CUBN: variants seen among roughly 807,000 people sequenced by gnomAD.
The protein encoded by CUBN is cubilin, also known as 460 kDa receptor.
Under a neutral mutation model 405.3 loss-of-function variants are expected in CUBN, and 282 were observed. That is an observed-to-expected ratio of 0.70 (90% CI 0.63 to 0.77). The LOEUF (loss-of-function observed/expected upper bound fraction) is 0.77, where lower values mean the gene tolerates loss of function less well. Ranked by LOEUF, CUBN falls within the 30% of genes least tolerant of loss-of-function variation. The pLI, the probability that CUBN is intolerant of heterozygous loss-of-function variation, is 0.00. For missense variants in CUBN, 4,514 were observed against 4,475.2 expected (o/e 1.01, Z -0.25); for synonymous variants, 1,684 against 1,617.0 (o/e 1.04, Z -0.99).
intron 56 of CUBN, among the ~76,000 whole-genome samples, chr10:16,882,922 G>A (rs1840704275): frequency 6.6e-6 from 1 of 152,050 alleles, no homozygotes; most frequent in Non-Finnish European, 1.5e-5. Flanking sequence ...GCTGAGCCAT[G>A]AGAATTGCTT....
At chr10:16,968,407 ATTGCTT>A (rs1005866229) in intron 31 of CUBN, among the ~76,000 whole-genome samples, 23 of 151,956 alleles carry the variant, frequency 1.5e-4, no homozygotes, top group African/African-American at 4.8e-4. Flanking sequence ...TACTAATCAT[ATTGCTT>A]TTGCTTTTGC....
intron 1 of CUBN, 60 bp from the exon 2 acceptor site, chr10:17,129,310 AT>A: frequency 6.3e-7 from 1 of 1,577,206 alleles, no homozygotes; most frequent in Non-Finnish European, 8.7e-7. Flanking sequence ...TTAAACCAAA[AT>A]AACAAAGTTT....
chr10:17,065,095 C>G, intron 22 of CUBN, among the ~76,000 whole-genome samples: 1 of 149,706 alleles, frequency 6.7e-6, no homozygotes, highest in East Asian at 2.0e-4. Flanking sequence ...TATTTGTATT[C>G]TGCTCCCATT....
rs1192471502 is a variant in CUBN, at chr10:16,892,055, A to G, written c.8599-1528T>C. Among the ~76,000 whole-genome samples, 6 of 152,342 alleles carry G rather than the reference A, an allele frequency of 3.9e-5. No individual in the cohort carries two copies. The East Asian group carries it at 1.2e-3, about 29-fold the overall frequency. ...CTTCTCAAGGATATTCCTCACCCAC[A>G]GCAATAAAACATCAAGTCATTAAAA... On this transcript the variant is annotated intron_variant, in intron 54 of 66. Transcript: ENST00000377833.
intron 28 of CUBN, among the ~76,000 whole-genome samples, chr10:17,007,634 G>C (rs1010828447): frequency 6.6e-6 from 1 of 152,018 alleles, no homozygotes. Flanking sequence ...GGGGAGGGTG[G>C]GGCAGGGGGA....
chr10:16,849,204 T>A (rs754361678), intron 60 of CUBN, among the ~76,000 whole-genome samples: 1 of 152,170 alleles, frequency 6.6e-6, no homozygotes, highest in Non-Finnish European at 1.5e-5. Flanking sequence ...CCACCCATGC[T>A]TTGTAAAAGA....
Position 17,075,863 on chromosome 10 carries a change from T to TA in CUBN, c.2302-3893dup, listed in dbSNP as rs371889371. On this transcript the variant is annotated intron_variant, in intron 17 of 66. Transcript: ENST00000377833. ...TTTCTGTTTGCCCTTCAGCATCTAA[T>TA]AAAAAAAACTTTGCAAATAGGTATT... 9.9e-3 allele frequency among the ~76,000 whole-genome samples: 1,508 copies of TA among 152,186 alleles called. 21 individuals are homozygous for TA. Among genetic ancestry groups the TA allele is most frequent in the African/African-American group, 0.032 (1,315 of 41,538 alleles).
intron 15 of CUBN, among the ~76,000 whole-genome samples, chr10:17,086,421 A>G (rs1418807661): frequency 2.0e-5 from 3 of 152,344 alleles, no homozygotes; most frequent in Non-Finnish European, 2.9e-5. Context: ...AAGGAACACC[A>G]TTGATGCCAA....
At chr10:17,124,553 T>C (rs1007560433) in intron 4 of CUBN, among the ~76,000 whole-genome samples, 13 of 151,814 alleles carry the variant, frequency 8.6e-5, no homozygotes, top group Admixed American at 7.2e-4. Flanking sequence ...CTCAGCCTCC[T>C]AAGTAGCTGG....
At chr10:16,953,568 G>A (rs1842974050) in intron 32 of CUBN, among the ~76,000 whole-genome samples, 1 of 152,298 alleles carries the variant, frequency 6.6e-6, no homozygotes, top group Middle Eastern at 3.4e-3. Flanking sequence ...GGGTAAAAAG[G>A]TCTTGGAGAA....
chr10:17,125,384 A>G (rs1468403086), intron 4 of CUBN, among the ~76,000 whole-genome samples: 1 of 152,154 alleles, frequency 6.6e-6, no homozygotes, highest in Admixed American at 6.5e-5. Flanking sequence ...TGCAAAGCAC[A>G]TTCCTTCTCC....
chr10:16,940,850 A>C (rs572951135), intron 36 of CUBN, among the ~76,000 whole-genome samples: 121 of 152,334 alleles, frequency 7.9e-4, no homozygotes, highest in African/African-American at 2.8e-3. Context: ...TGATGGGATC[A>C]TTTAGGTGGC....
intron 30 of CUBN, among the ~76,000 whole-genome samples, chr10:16,983,288 G>T: frequency 6.6e-6 from 1 of 152,138 alleles, no homozygotes; most frequent in East Asian, 1.9e-4. Context: ...GTGTGTGTGT[G>T]TTTATTTAAA....
intron 17 of CUBN, 51 bp from the exon 18 acceptor site, chr10:17,072,022 C>G (rs182324774): frequency 2.0e-6 from 3 of 1,470,774 alleles, no homozygotes; most frequent in Non-Finnish European, 2.8e-6. Context: ...AAACTTACGT[C>G]GGCAATGGTG....
chr10:16,840,364 G>C lies in CUBN; in HGVS notation c.9998C>G (p.Thr3333Arg), dbSNP rs140637500. 6.2e-7 allele frequency: 1 copy of C among 1,614,098 alleles called. No homozygotes were observed. The highest frequency in any genetic ancestry group is 8.5e-7 in the Non-Finnish European group (1 of 1,179,990). ...WALQLTSQDC[T>R]QNYLQLQDSP... is the part of the protein sequence containing the mutation. ...GTCCTGAAGCTGTAAGTAATTCTGC[G>C]TGCAGTCTTGCGAGGTCAGCTGTAA... Residue 3333 changes from threonine to arginine, a missense_variant, in exon 62 of 67, where the codon ACG becomes AGG. Thr to Arg is a moderately conservative substitution (Grantham distance 71). Around this residue, in one of 5 missense-constraint regions of CUBN, gnomAD observed 1,186 missense variants for 1,186.9 expected, o/e 1.00. Transcript: ENST00000377833.
chr10:16,920,508 T>C (rs1245779393), intron 43 of CUBN, among the ~76,000 whole-genome samples: 1 of 152,156 alleles, frequency 6.6e-6, no homozygotes, highest in Non-Finnish European at 1.5e-5. Context: ...GAGCATTCAG[T>C]ACAGCAGAAT....
intron 65 of CUBN, among the ~76,000 whole-genome samples, chr10:16,830,912 C>T (rs774487105): frequency 5.3e-5 from 8 of 151,990 alleles, no homozygotes; most frequent in Admixed American, 1.3e-4. Context: ...TATGGGGAAA[C>T]GCTCTGTCTA....
chr10:17,104,516 G>C lies in CUBN; in HGVS notation c.1320C>G (p.Pro440=). The change falls in exon 12 of 67, where the codon CCC becomes CCG. Residue 440 remains proline (P), a synonymous_variant. Coordinates refer to ENST00000377833, the MANE Select transcript of CUBN (RefSeq NM_001081.4). ...TENINECLSN[P]CLNGGTCVDG... ...CAACACAAGTTCCTCCATTCAAACA[G>C]GGGTTGCTCAAACACTCATTGATGT... The C allele has an allele frequency of 2.5e-6, 4 of 1,613,864 alleles. No homozygotes were observed. Among genetic ancestry groups the C allele is most frequent in the East Asian group, 4.5e-5 (2 of 44,842 alleles).
chr10:16,824,740 A>G lies in CUBN; in HGVS notation c.*235T>C. On this transcript the variant is annotated 3_prime_UTR_variant, in exon 67 of 67. Coordinates refer to ENST00000377833, the MANE Select transcript of CUBN (RefSeq NM_001081.4). ...TCACCATGCTGGCCAGGCTAGTCTC[A>G]AACTCCTGACCTCAGGTGATCAACC... The G allele has an allele frequency of 2.2e-6, 1 of 456,518 alleles. No individual in the cohort carries two copies. The highest frequency in any genetic ancestry group is 4.2e-6 in the Non-Finnish European group (1 of 240,468). The allele number at this position is 456,518 out of a possible 1,614,324, so 28.3% of individuals were successfully genotyped here. A position where few individuals can be genotyped will look rare whatever the true frequency, so the allele number is the denominator to read the frequency against.
Sources: gnomAD v4.1 joint callset for allele counts (sites outside exome capture counted in the v4.1 genomes callset) on GRCh38, gnomAD v4.1.1 for gene constraint, gnomAD v4.1.1 regional missense constraint, MANE v1.5 for transcripts, NCBI Gene and HGNC (gene_info 2026-07-23, HGNC 2026-07-21) for gene names.